The following CNTLN variants were observed in gnomAD, a reference collection of about 807,000 sequenced individuals.
CNTLN encodes the protein centlein, also known as centlein, centrosomal protein.
In CNTLN, 212 loss-of-function variants were observed where a neutral mutation model predicts 180.0. That is an observed-to-expected ratio of 1.18 (90% CI 1.05 to 1.32). The LOEUF is 1.32. CNTLN is among the 40% of genes most tolerant of loss of function. The pLI, the probability that CNTLN is intolerant of heterozygous loss-of-function variation, is 0.00. For synonymous variants in CNTLN, 722 were observed against 563.1 expected, an observed-to-expected ratio of 1.28 and a Z score of -3.99; for missense variants, 2,095 against 1,610.9, an observed-to-expected ratio of 1.30 and a Z score of -5.14.
chr9:17,227,446 A>C (rs1387979727), intron 3 of CNTLN, among the ~76,000 whole-genome samples: 1 of 152,094 alleles, frequency 6.6e-6, no homozygotes, highest in Non-Finnish European at 1.5e-5. Context: ...GAAGTGAAAG[A>C]AATTTAAGAG....
chr9:17,179,638 T>C (rs1343630870), intron 2 of CNTLN, among the ~76,000 whole-genome samples: 1 of 152,196 alleles, frequency 6.6e-6, no homozygotes, highest in Non-Finnish European at 1.5e-5. Flanking sequence ...AATATATATT[T>C]TGCTGATGTT....
intron 2 of CNTLN, among the ~76,000 whole-genome samples, chr9:17,186,770 C>T (rs1334470991): frequency 6.6e-6 from 1 of 152,068 alleles, no homozygotes; most frequent in Non-Finnish European, 1.5e-5. Flanking sequence ...TCATTTGATC[C>T]TCCATATATG....
At position 17,394,777 on chromosome 9, in the gene CNTLN, A is replaced by T; in HGVS notation, c.2323A>T (p.Arg775Trp). Residue 775 changes from arginine (R) to tryptophan (W), a missense_variant, in exon 15 of 26, where the codon AGG (arginine) becomes TGG (tryptophan). Transcript: ENST00000380647. ...GCTGGAGACAGAAGTCACTTCCCTG[A>T]GGAGACAAGTGGCAGAAGCTAATGC... ...SELETEVTSLRRQVAEANALR... is the reference protein window; with the variant it reads ...SELETEVTSLWRQVAEANALR... The T allele has an allele frequency of 6.2e-7, 1 of 1,614,032 alleles. No individual in the cohort carries two copies. Among genetic ancestry groups the T allele is most frequent in the Non-Finnish European group, 8.5e-7 (1 of 1,179,988 alleles).
At chr9:17,290,607 C>G (rs1450671508) in intron 6 of CNTLN, among the ~76,000 whole-genome samples, 6 of 141,632 alleles carry the variant, frequency 4.2e-5, no homozygotes, top group Admixed American at 2.8e-4. Flanking sequence ...CCTCCCCCAG[C>G]CTGGCTGCCG....
At chr9:17,410,909 A>G (rs1467391096) in intron 16 of CNTLN, among the ~76,000 whole-genome samples, 1 of 152,130 alleles carries the variant, frequency 6.6e-6, no homozygotes, top group Non-Finnish European at 1.5e-5. Flanking sequence ...TGTCTTAGTT[A>G]CATTTTAGTA....
At chr9:17,521,265 A>AAGAGAGAG in the CNTLN span, among the ~76,000 whole-genome samples, 14,157 of 118,384 alleles carry the variant, frequency 0.12, 1,762 homozygotes, top group African/African-American at 0.31. Flanking sequence ...AAGGGAGAAA[A>AAGAGAGAG]AGAGAGAGAG....
At chr9:17,516,581 A>G in the CNTLN span, among the ~76,000 whole-genome samples, 6 of 152,120 alleles carry the variant, frequency 3.9e-5, no homozygotes, top group Non-Finnish European at 5.9e-5. Flanking sequence ...AACAGTCCCT[A>G]TTTGTTTAGA....
In CNTLN at chr9:17,190,045, A is replaced by T. The variant is rs542516859; in HGVS notation, c.450-36158A>T. Among the ~76,000 whole-genome samples, 3 of 151,388 alleles carry T rather than the reference A, an allele frequency of 2.0e-5. No individual in the cohort carries two copies. In the South Asian group the frequency reaches 6.3e-4, roughly 32 times the overall value. On this transcript the variant is annotated intron_variant, in intron 2 of 25. Coordinates refer to ENST00000380647, the MANE Select transcript of CNTLN (RefSeq NM_017738.4). ...CATCCTCTAGTATATTGCCTGGCAAATTCTACCTGCCTTGAGCTTCCTTAC... is the reference window on the plus strand; with the variant it reads ...CATCCTCTAGTATATTGCCTGGCAATTTCTACCTGCCTTGAGCTTCCTTAC...
chr9:17,411,938 C>A (rs755853935), intron 16 of CNTLN, among the ~76,000 whole-genome samples: 1 of 152,106 alleles, frequency 6.6e-6, no homozygotes, highest in Non-Finnish European at 1.5e-5. Context: ...CATTGAAATG[C>A]CTTTCCCTTC....
chr9:17,219,473 C>T (rs1474336250), intron 2 of CNTLN, among the ~76,000 whole-genome samples: 1 of 152,004 alleles, frequency 6.6e-6, no homozygotes, highest in Non-Finnish European at 1.5e-5. Flanking sequence ...AGCTGCTAGA[C>T]AAATTGCCAT....
At chr9:17,230,809 T>A (rs1824765921) in intron 3 of CNTLN, among the ~76,000 whole-genome samples, 1 of 152,064 alleles carries the variant, frequency 6.6e-6, no homozygotes. Flanking sequence ...CACCTCTTAT[T>A]GTTTTATGGT....
At chr9:17,197,522 G>A (rs914523279) in intron 2 of CNTLN, among the ~76,000 whole-genome samples, 8 of 152,076 alleles carry the variant, frequency 5.3e-5, no homozygotes, top group South Asian at 2.1e-4. Context: ...CCTGTTTGCC[G>A]TTAGTATGTC....
chr9:17,449,671 G>A (rs544329033), intron 18 of CNTLN, among the ~76,000 whole-genome samples: 3 of 152,178 alleles, frequency 2.0e-5, no homozygotes, highest in African/African-American at 4.8e-5. Flanking sequence ...CACATATAAC[G>A]TGTTTTTACT....
At chr9:17,445,388 T>C (rs547384130) in intron 18 of CNTLN, among the ~76,000 whole-genome samples, 7 of 151,898 alleles carry the variant, frequency 4.6e-5, no homozygotes, top group African/African-American at 1.7e-4. Flanking sequence ...GAGATCAGAT[T>C]GTTACAGTGT....
At chr9:17,489,627 C>T (rs1833048404) in intron 25 of CNTLN, among the ~76,000 whole-genome samples, 1 of 151,834 alleles carries the variant, frequency 6.6e-6, no homozygotes, top group African/African-American at 2.4e-5. Context: ...ATATTCACCA[C>T]AAAATAAAAA....
chr9:17,394,255 T>G (rs1378277092), intron 14 of CNTLN, among the ~76,000 whole-genome samples: 1 of 152,196 alleles, frequency 6.6e-6, no homozygotes, highest in African/African-American at 2.4e-5. Context: ...GCCAAGGCAC[T>G]TATGATCTCA....
At position 17,462,990 on chromosome 9, in the gene CNTLN, A is replaced by C. The variant is rs1231468264; in HGVS notation, c.3381A>C (p.Glu1127Asp). The change falls in exon 20 of 26, where the codon GAA becomes GAC. Residue 1127 changes from glutamate to aspartate, a missense_variant. Physicochemically the swap from Glu to Asp is conservative, Grantham distance 45. Coordinates refer to ENST00000380647, the MANE Select transcript of CNTLN (RefSeq NM_017738.4). ...TLKFELLAKE[E>D]HIKEMHEKIS... The stretch of plus-strand genomic sequence containing the variant: ...AATTTGAACTCCTAGCAAAAGAAGA[A>C]CACATAAAGGAAATGCATGAAAAGT... The C allele has an allele frequency of 3.2e-6, 5 of 1,585,622 alleles. No homozygotes were observed. The highest frequency in any genetic ancestry group is 4.3e-6 in the Non-Finnish European group (5 of 1,167,864).
chr9:17,235,010 T>G (rs1346815788), intron 3 of CNTLN, among the ~76,000 whole-genome samples: 1 of 152,072 alleles, frequency 6.6e-6, no homozygotes, highest in Admixed American at 6.6e-5. Flanking sequence ...AGAGGAAAGA[T>G]CAGCAGCCAA....
At chr9:17,400,546 C>T (rs187890004) in intron 15 of CNTLN, among the ~76,000 whole-genome samples, 2 of 152,232 alleles carry the variant, frequency 1.3e-5, no homozygotes, top group East Asian at 3.9e-4. Context: ...TGACCATAGG[C>T]ATGCTATTTG....
Sources: gnomAD v4.1 joint callset for allele counts (sites outside exome capture counted in the v4.1 genomes callset) on GRCh38, gnomAD v4.1.1 for gene constraint, MANE v1.5 for transcripts, NCBI Gene and HGNC (gene_info 2026-07-23, HGNC 2026-07-21) for gene names.